Variants in STK39 observed in about 807,000 individuals in gnomAD.
STK39 encodes the protein STE20/SPS1-related proline-alanine-rich protein kinase.
Under a neutral mutation model 77.8 loss-of-function variants are expected in STK39, and 20 were observed. That is an observed-to-expected ratio of 0.26 (90% CI 0.18 to 0.37). STK39 has a LOEUF of 0.37. Among genes scored for constraint, STK39 ranks in the 10% least tolerant of loss-of-function variants. The pLI, the probability that STK39 is intolerant of heterozygous loss-of-function variation, is 1.00. For synonymous variants in STK39, 246 were observed against 234.1 expected (o/e 1.05, Z -0.47); for missense variants, 479 against 656.5 (o/e 0.73, Z 2.95).
chr2:168,169,631 CGTGTGTGT>C (rs10611769), intron 2 of STK39, among the ~76,000 whole-genome samples: 1 of 145,826 alleles, frequency 6.9e-6, no homozygotes, highest in African/African-American at 2.5e-5. Flanking sequence ...TTGCAGTGAG[CGTGTGTGT>C]GTGTGTGTGT....
Position 167,974,147 on chromosome 2 carries a change from A to C in STK39, c.1499-9421T>G, listed in dbSNP as rs186477569. Among the ~76,000 whole-genome samples, 211 of 152,282 alleles carry C rather than the reference A, an allele frequency of 1.4e-3. 2 individuals are homozygous for C. The highest frequency in any genetic ancestry group is 3.3e-3 in the South Asian group (16 of 4,832). On this transcript the variant is annotated intron_variant, in intron 16 of 17. Transcript: ENST00000355999. ...AAGATTTTTGTTTGTCTTTTGAATA[A>C]ACTACTGACAAAAAAAGAAGGCAAA...
intron 1 of STK39, among the ~76,000 whole-genome samples, chr2:168,225,873 G>T (rs865898154): frequency 2.0e-5 from 3 of 152,126 alleles, no homozygotes; most frequent in African/African-American, 7.2e-5. Context: ...TCCAAGGAGG[G>T]TGTCTGAGTT....
At chr2:168,237,232 T>C (rs1207095691) in intron 1 of STK39, among the ~76,000 whole-genome samples, 1 of 152,212 alleles carries the variant, frequency 6.6e-6, no homozygotes, top group African/African-American at 2.4e-5. Context: ...CACTCATGAT[T>C]TGGCTCTCTG....
At chr2:168,010,149 T>C (rs1441150683) in intron 16 of STK39, among the ~76,000 whole-genome samples, 2 of 152,348 alleles carry the variant, frequency 1.3e-5, no homozygotes, top group Admixed American at 6.5e-5. Context: ...TCTTGCCCAA[T>C]AGGAGACATT....
chr2:168,138,473 C>T (rs573515263), intron 7 of STK39, among the ~76,000 whole-genome samples: 1 of 152,274 alleles, frequency 6.6e-6, no homozygotes, highest in South Asian at 2.1e-4. Flanking sequence ...AGAATGATCC[C>T]GGACAGAGCT....
At chr2:168,011,760 C>T (rs966723347) in intron 16 of STK39, among the ~76,000 whole-genome samples, 1 of 152,112 alleles carries the variant, frequency 6.6e-6, no homozygotes, top group Non-Finnish European at 1.5e-5. Flanking sequence ...GGTAGAAAGA[C>T]CCACAGTTTC....
At chr2:168,200,214 G>C (rs1261776942) in intron 1 of STK39, among the ~76,000 whole-genome samples, 1 of 152,178 alleles carries the variant, frequency 6.6e-6, no homozygotes, top group African/African-American at 2.4e-5. Context: ...AAGGCTACAA[G>C]TGATTAGACA....
chr2:168,136,588 G>A (rs77726582), intron 8 of STK39, among the ~76,000 whole-genome samples: 1,603 of 152,172 alleles, frequency 0.011, 26 homozygotes, highest in African/African-American at 0.036. Context: ...AATTACTGTC[G>A]TTCAAGAATC....
chr2:168,222,539 C>T (rs1226116490), intron 1 of STK39, among the ~76,000 whole-genome samples: 1 of 152,110 alleles, frequency 6.6e-6, no homozygotes, highest in Non-Finnish European at 1.5e-5. Context: ...GTAAGCATTT[C>T]CATTCATGAT....
intron 1 of STK39, among the ~76,000 whole-genome samples, chr2:168,233,725 T>C (rs1384429572): frequency 1.3e-5 from 2 of 152,262 alleles, no homozygotes; most frequent in Admixed American, 1.3e-4. Context: ...AGAACTTCTT[T>C]GTAATTTCAT....
chr2:167,955,504 C>T lies in STK39; in HGVS notation c.1630G>A (p.Val544Ile). 1 of 1,613,748 alleles carries T rather than the reference C, an allele frequency of 6.2e-7. No individual in the cohort carries two copies. Among genetic ancestry groups the T allele is most frequent in the African/African-American group, 1.3e-5 (1 of 74,978 alleles). ...VKLIGFAQLS[V>I]S Reference sequence around the variant, plus strand: ...ACATCAAGGGACATACATCAGCTGACACTCAACTGAGCAAACCCAATCAGC... The same window carrying T: ...ACATCAAGGGACATACATCAGCTGATACTCAACTGAGCAAACCCAATCAGC... Residue 544 changes from valine to isoleucine, a missense_variant, in exon 18 of 18, where the codon GTC becomes ATC. This residue lies in a region of STK39 where 244 missense variants were observed against 296.8 expected (regional missense o/e 0.82). Coordinates refer to ENST00000355999, the MANE Select transcript of STK39 (RefSeq NM_013233.3).
At chr2:168,081,245 G>T (rs986538654) in intron 10 of STK39, among the ~76,000 whole-genome samples, 1 of 152,208 alleles carries the variant, frequency 6.6e-6, no homozygotes, top group African/African-American at 2.4e-5. Flanking sequence ...TGGGAGGGAG[G>T]CTGTACCCTA....
intron 5 of STK39, among the ~76,000 whole-genome samples, chr2:168,151,159 T>G (rs924875396): frequency 1.4e-4 from 22 of 152,188 alleles, no homozygotes; most frequent in African/African-American, 5.3e-4. Context: ...CAAATCCATC[T>G]TCCCTATCTA....
intron 10 of STK39, among the ~76,000 whole-genome samples, chr2:168,091,175 C>T (rs1467049248): frequency 6.6e-6 from 1 of 151,932 alleles, no homozygotes; most frequent in Non-Finnish European, 1.5e-5. Context: ...CACACACACA[C>T]ACACACACAT....
chr2:168,227,310 T>A (rs1690333526), intron 1 of STK39, among the ~76,000 whole-genome samples: 2 of 152,104 alleles, frequency 1.3e-5, no homozygotes, highest in African/African-American at 4.8e-5. Context: ...TATTATACAT[T>A]TGTAACTTAA....
At chr2:168,240,608 T>C (rs1690734004) in intron 1 of STK39, among the ~76,000 whole-genome samples, 1 of 152,224 alleles carries the variant, frequency 6.6e-6, no homozygotes, top group African/African-American at 2.4e-5. Flanking sequence ...GTTTTGCCCT[T>C]GAGGGCTCTA....
intron 16 of STK39, among the ~76,000 whole-genome samples, chr2:167,984,463 G>C (rs993963567): frequency 6.6e-6 from 1 of 152,216 alleles, no homozygotes; most frequent in Non-Finnish European, 1.5e-5. Context: ...AAGTCTGAGA[G>C]CTGCACTGAA....
At chr2:168,134,698 G>A (rs912670088) in intron 8 of STK39, among the ~76,000 whole-genome samples, 1 of 152,030 alleles carries the variant, frequency 6.6e-6, no homozygotes, top group Non-Finnish European at 1.5e-5. Flanking sequence ...CAACACCCCA[G>A]CTCCCTTTTA....
chr2:168,026,450 G>A (rs1292021932), intron 14 of STK39, among the ~76,000 whole-genome samples: 1 of 152,200 alleles, frequency 6.6e-6, no homozygotes, highest in Non-Finnish European at 1.5e-5. Flanking sequence ...AGGAGATTAA[G>A]TGGCTTGTCT....
Sources: gnomAD v4.1 joint callset for allele counts (sites outside exome capture counted in the v4.1 genomes callset) on GRCh38, gnomAD v4.1.1 for gene constraint, gnomAD v4.1.1 regional missense constraint, MANE v1.5 for transcripts, NCBI Gene and HGNC (gene_info 2026-07-23, HGNC 2026-07-21) for gene names.